The following ST3GAL1 variants were observed in gnomAD, a reference collection of about 807,000 sequenced individuals.
ST3GAL1 encodes CMP-N-acetylneuraminate-beta-galactosamide-alpha-2,3-sialyltransferase 1.
A neutral mutation model predicts 34.1 loss-of-function variants in ST3GAL1; 16 were observed. That is an observed-to-expected ratio of 0.47 (90% CI 0.32 to 0.71). The LOEUF (loss-of-function observed/expected upper bound fraction) is 0.71. ST3GAL1 is among the 30% of genes least tolerant of loss of function. The pLI is 0.04. For missense variants in ST3GAL1, 353 were observed against 447.4 expected (o/e 0.79, Z 1.90); for synonymous variants, 191 against 184.7 (o/e 1.03, Z -0.28).
In ST3GAL1 at chr8:133,465,800, C is replaced by A. The variant is rs73353086; in HGVS notation, c.503+94G>T. 4.6e-3 allele frequency: 6,582 copies of A among 1,434,914 alleles called. 267 individuals are homozygous for A. In the African/African-American group the frequency reaches 0.082, roughly 18 times the overall value. The allele number at this position is 1,434,914 out of a possible 1,614,324, so 88.9% of individuals were successfully genotyped here. Reference sequence around the variant, plus strand: ...GGTAAGTTCAGTCCCAGGACTGAACCTTGCCTTCCTGAGCCTGAGCCAAGA... The same window carrying A: ...GGTAAGTTCAGTCCCAGGACTGAACATTGCCTTCCTGAGCCTGAGCCAAGA... On this transcript the variant is annotated intron_variant, in intron 6 of 9. Coordinates refer to ENST00000522652, the MANE Select transcript of ST3GAL1 (RefSeq NM_173344.3).
rs1815578988 is a variant in ST3GAL1, at chr8:133,463,273, G to A, written c.729+141C>T. On this transcript the variant is annotated intron_variant, in intron 8 of 9. Coordinates refer to ENST00000522652, the MANE Select transcript of ST3GAL1 (RefSeq NM_173344.3). ...TCCCAGTGTTTGACCTCTTCCCCCA[G>A]GGGGATAGCTAAGTGGGAGATGCTA... is the stretch of plus-strand genomic sequence containing the variant. The A allele has an allele frequency of 7.0e-5, 64 of 909,680 alleles. No individual in the cohort carries two copies. The South Asian group carries it at 8.9e-4, about 13-fold the overall frequency. The allele number at this position is 909,680 out of a possible 1,614,324, so 56.4% of individuals were successfully genotyped here.
At chr8:133,502,330 A>G (rs1317102831) in intron 2 of ST3GAL1, among the ~76,000 whole-genome samples, 3 of 152,050 alleles carry the variant, frequency 2.0e-5, no homozygotes, top group African/African-American at 7.3e-5. Context: ...TTAACCCTCA[A>G]GATGACTGTA....
At chr8:133,493,258 C>T (rs1317686033) in intron 3 of ST3GAL1, among the ~76,000 whole-genome samples, 2 of 152,228 alleles carry the variant, frequency 1.3e-5, no homozygotes, top group Admixed American at 1.3e-4. Flanking sequence ...ATTTTATCTC[C>T]TCCCACAATG....
chr8:133,495,896 T>A lies in ST3GAL1; in HGVS notation c.-374+3239A>T, dbSNP rs116742378. 5.2e-3 allele frequency among the ~76,000 whole-genome samples: 793 copies of A among 152,318 alleles called. 6 individuals are homozygous for A. Among genetic ancestry groups the A allele is most frequent in the African/African-American group, 0.018 (755 of 41,552 alleles). ...CTGGAGTTTAACCAAATAGAGAAAG[T>A]GGTCAGGTTGCGCCTGAACTGCTGT... On this transcript the variant is annotated intron_variant, in intron 3 of 9. Coordinates refer to ENST00000522652, the MANE Select transcript of ST3GAL1 (RefSeq NM_173344.3).
At chr8:133,525,558 C>A (rs943805622) in intron 2 of ST3GAL1, among the ~76,000 whole-genome samples, 1 of 152,136 alleles carries the variant, frequency 6.6e-6, no homozygotes, top group Admixed American at 6.5e-5. Context: ...TGCCCAGGAG[C>A]CTGTCTGCCT....
rs759034842 is a variant in ST3GAL1, at chr8:133,464,942, G to A, written c.519C>T (p.Pro173=). Residue 173 remains proline (P), a synonymous_variant, in exon 7 of 10, where the codon CCC becomes CCT. Transcript: ENST00000522652. The part of the protein sequence containing the change: ...HDFVLRMNKA[P]TAGFEADVGT... The stretch of plus-strand genomic sequence containing the variant: ...CAACATCAGCTTCAAACCCTGCCGT[G>A]GGCGCCTTGTTCATCCTGGGAGAGA... 3 of 1,613,200 alleles carry A rather than the reference G, an allele frequency of 1.9e-6. No individual in the cohort carries two copies. The highest frequency in any genetic ancestry group is 1.3e-5 in the African/African-American group (1 of 74,958).
intron 5 of ST3GAL1, among the ~76,000 whole-genome samples, chr8:133,475,199 C>T (rs1563700756): frequency 6.6e-6 from 1 of 152,232 alleles, no homozygotes; most frequent in Non-Finnish European, 1.5e-5. Context: ...GAAGTGGAGG[C>T]AGAGGCTGGA....
At chr8:133,506,393 A>C (rs1465029150) in intron 2 of ST3GAL1, among the ~76,000 whole-genome samples, 3 of 152,196 alleles carry the variant, frequency 2.0e-5, no homozygotes, top group Non-Finnish European at 2.9e-5. Flanking sequence ...AAGAGCAAAT[A>C]TTTTTAGGTA....
rs542943483 is a variant in ST3GAL1 at position 133,497,425 on chromosome 8, C to A, written c.-374+1710G>T. 4.7e-5 allele frequency among the ~76,000 whole-genome samples: 7 copies of A among 148,224 alleles called. No homozygotes were observed. In the South Asian group the frequency reaches 1.5e-3, roughly 32 times the overall value. On this transcript the variant is annotated intron_variant, in intron 3 of 9. Transcript: ENST00000522652. ...CAAGTAGTTTCCTATTAGAGATACA[C>A]CTTTCTTCTCTCCCATGCAATTTTG...
rs1454001238 is a variant in ST3GAL1 at position 133,570,202 on chromosome 8, C to A, written c.-582+1491G>T. On this transcript the variant is annotated intron_variant, in intron 1 of 9. Coordinates refer to ENST00000522652, the MANE Select transcript of ST3GAL1 (RefSeq NM_173344.3). This position sits in a 1 kb window ranked among gnomAD's most constrained non-coding sequence, Gnocchi z 5.6. Reference sequence around the variant, plus strand: ...CAGCCGCAGAGCGGGGGTGGGCGCTCGCTGTCTCCCTGGAGAACCAGCTCG... The same window carrying A: ...CAGCCGCAGAGCGGGGGTGGGCGCTAGCTGTCTCCCTGGAGAACCAGCTCG... 6.6e-6 allele frequency: 1 copy of A among 152,306 alleles called. No homozygotes were observed. Among genetic ancestry groups the A allele is most frequent in the Non-Finnish European group, 1.5e-5 (1 of 68,088 alleles). 9.4% of individuals were successfully genotyped at this position (152,306 alleles called of 1,614,324 possible).
In ST3GAL1 at chr8:133,466,095, G is replaced by C; in HGVS notation, c.307-5C>G. The C allele has an allele frequency of 1.9e-6, 3 of 1,608,848 alleles. No individual in the cohort carries two copies. Among genetic ancestry groups the C allele is most frequent in the South Asian group, 1.1e-5 (1 of 90,752 alleles). On this transcript the variant is annotated splice_polypyrimidine_tract_variant and splice_region_variant and intron_variant, in intron 5 of 9. Coordinates refer to ENST00000522652, the MANE Select transcript of ST3GAL1 (RefSeq NM_173344.3). This position sits in a 1 kb window ranked among gnomAD's most constrained non-coding sequence, Gnocchi z 4.4. ...CTTCTTCTCCCGCTGGAGCCTCTGT[G>C]GGCGGAGGACAGAAGGTGGTCAACC...
At chr8:133,483,881 G>C (rs954868998) in intron 3 of ST3GAL1, among the ~76,000 whole-genome samples, 1 of 152,104 alleles carries the variant, frequency 6.6e-6, no homozygotes, top group Non-Finnish European at 1.5e-5. Context: ...CCAGGAAAAG[G>C]TTCCTCAAAA....
At chr8:133,476,167 T>C in intron 4 of ST3GAL1, 93 bp from the exon 5 acceptor site, 3 of 894,976 alleles carry the variant, frequency 3.4e-6, no homozygotes, top group Non-Finnish European at 3.3e-6. Context: ...CAAGGGCCGC[T>C]AAGCTCGACT....
rs1280119236 is a variant in ST3GAL1, at chr8:133,556,577, T to G, written c.-581-10651A>C. ...CTAAGCAACCTCAGCTAATGAAGGC[T>G]GCATAACTATGTACTTTCGAACAAG... On this transcript the variant is annotated intron_variant, in intron 1 of 9. Transcript: ENST00000522652. This position sits in a 1 kb window ranked among gnomAD's most constrained non-coding sequence, Gnocchi z 8.9. Among the ~76,000 whole-genome samples, 1 of 152,174 alleles carries G rather than the reference T, an allele frequency of 6.6e-6. No homozygotes were observed. Among genetic ancestry groups the G allele is most frequent in the Non-Finnish European group, 1.5e-5 (1 of 68,040 alleles).
intron 5 of ST3GAL1, among the ~76,000 whole-genome samples, chr8:133,475,276 T>C (rs1586595668): frequency 6.6e-6 from 1 of 152,204 alleles, no homozygotes; most frequent in Non-Finnish European, 1.5e-5. Flanking sequence ...GGAGCGGGCC[T>C]GGGGCGGCTT....
chr8:133,519,534 T>C (rs921506382), intron 2 of ST3GAL1, among the ~76,000 whole-genome samples: 2 of 152,226 alleles, frequency 1.3e-5, no homozygotes, highest in Non-Finnish European at 2.9e-5. Context: ...GGAAATGCTT[T>C]ATTATAATGT....
chr8:133,529,358 A>T (rs1280208101), intron 2 of ST3GAL1, among the ~76,000 whole-genome samples: 12 of 152,232 alleles, frequency 7.9e-5, no homozygotes, highest in Admixed American at 7.8e-4. Flanking sequence ...GGGAGCTTAT[A>T]GGTCGAAGGT....
chr8:133,562,780 TCTTTCTTTCTTTCTTTC>T (rs1819266729), intron 1 of ST3GAL1, among the ~76,000 whole-genome samples: 2 of 118,726 alleles, frequency 1.7e-5, no homozygotes, highest in Non-Finnish European at 3.7e-5. Flanking sequence ...GAAAAGGGTT[TCTTTCTTTCTTTCTTTC>T]CTTCCTTCCT....
At chr8:133,525,537 C>G (rs1817943890) in intron 2 of ST3GAL1, among the ~76,000 whole-genome samples, 1 of 152,164 alleles carries the variant, frequency 6.6e-6, no homozygotes, top group Non-Finnish European at 1.5e-5. Context: ...CACCTGGGAC[C>G]TGCCCCTTTC....
Sources: allele counts gnomAD v4.1 joint callset (sites outside exome capture counted in the v4.1 genomes callset), GRCh38; gene constraint gnomAD v4.1.1; non-coding constraint Gnocchi (gnomAD v3.1); transcripts MANE v1.5; gene names NCBI Gene and HGNC (gene_info 2026-07-23, HGNC 2026-07-21).